Variants in TPPP observed in about 807,000 individuals in gnomAD.
TPPP encodes tubulin polymerization-promoting protein.
A neutral mutation model predicts 15.5 loss-of-function variants in TPPP; 6 were observed. That is an observed-to-expected ratio of 0.39 (90% CI 0.21 to 0.77). TPPP has a LOEUF of 0.77. Among genes scored for constraint, TPPP ranks in the 30% least tolerant of loss-of-function variants. The probability of loss-of-function intolerance (pLI) is 0.42; values close to 1 mark genes in which losing one functional copy is unlikely to be tolerated. For synonymous variants in TPPP, 146 were observed against 133.9 expected (o/e 1.09, Z -0.63); for missense variants, 269 against 307.2 (o/e 0.88, Z 0.93).
chr5:664,615 C>T lies in TPPP; in HGVS notation c.*487G>A. The T allele has an allele frequency of 6.0e-6, 1 of 167,366 alleles. No homozygotes were observed. 10.4% of individuals were successfully genotyped at this position (167,366 alleles called of 1,614,324 possible). On this transcript the variant is annotated 3_prime_UTR_variant, in exon 4 of 4. Coordinates refer to ENST00000360578, the MANE Select transcript of TPPP (RefSeq NM_007030.3). ...GGAAGGCCCCGTGGTGTCCGCTGCA[C>T]ACAGGACAGGCCTCGGGCCCCACAG... is the stretch of plus-strand genomic sequence containing the variant.
chr5:666,153 G>T, intron 2 of TPPP, 30 bp from the exon 3 acceptor site: 1 of 1,601,916 alleles, frequency 6.2e-7, no homozygotes, highest in African/African-American at 1.4e-5. Flanking sequence ...TTAGGGCTGG[G>T]CGCGGGCCGG....
chr5:673,682 G>A (rs1017076469), intron 2 of TPPP, among the ~76,000 whole-genome samples: 1 of 152,224 alleles, frequency 6.6e-6, no homozygotes, highest in Non-Finnish European at 1.5e-5. Flanking sequence ...GGTCAGCCAA[G>A]GCTGGCACAC....
chr5:693,430 G>T (rs1186227687), upstream of TPPP: 1 of 132,178 alleles, frequency 7.6e-6, no homozygotes, highest in East Asian at 2.0e-4. Context: ...CCCGCCCCCG[G>T]CCCCCAGCGT....
At chr5:698,522 C>T in the TPPP span, among the ~76,000 whole-genome samples, 1 of 151,986 alleles carries the variant, frequency 6.6e-6, no homozygotes, top group African/African-American at 2.4e-5. Context: ...GGAGGCCTCC[C>T]AGTCATGGTG....
intron 2 of TPPP, among the ~76,000 whole-genome samples, chr5:669,249 C>G (rs1740094120): frequency 6.7e-6 from 1 of 150,076 alleles, no homozygotes; most frequent in Non-Finnish European, 1.5e-5. Flanking sequence ...GCGCTGTTGT[C>G]CAGCAGCATC....
chr5:667,605 C>T (rs1046820406), intron 2 of TPPP, among the ~76,000 whole-genome samples: 1 of 152,068 alleles, frequency 6.6e-6, no homozygotes, highest in African/African-American at 2.4e-5. Context: ...CAGAAGACAC[C>T]GTTAAGGGAA....
chr5:685,388 C>T (rs1740738854), intron 1 of TPPP, among the ~76,000 whole-genome samples: 1 of 152,218 alleles, frequency 6.6e-6, no homozygotes, highest in African/African-American at 2.4e-5. Flanking sequence ...CTATCCTGGT[C>T]GTCTCACATG....
Position 664,800 on chromosome 5 carries a change from G to C in TPPP, c.*302C>G. The C allele has an allele frequency of 2.9e-6, 1 of 349,386 alleles. No individual in the cohort carries two copies. The highest frequency in any genetic ancestry group is 5.3e-6 in the Non-Finnish European group (1 of 189,396). 21.6% of individuals were successfully genotyped at this position (349,386 alleles called of 1,614,324 possible). A position where few individuals can be genotyped will look rare whatever the true frequency, so the allele number is the denominator to read the frequency against. Reference sequence around the variant, plus strand: ...GCCAGCTGCTTTAAAACGCCCCTTTGACCTGCAAACCACGTGCCCAGTGTG... The same window carrying C: ...GCCAGCTGCTTTAAAACGCCCCTTTCACCTGCAAACCACGTGCCCAGTGTG... On this transcript the variant is annotated 3_prime_UTR_variant, in exon 4 of 4. Coordinates refer to ENST00000360578, the MANE Select transcript of TPPP (RefSeq NM_007030.3).
Position 665,433 on chromosome 5 carries a change from C to T in TPPP, c.466-137G>A. On this transcript the variant is annotated intron_variant, in intron 3 of 3. Coordinates refer to ENST00000360578, the MANE Select transcript of TPPP (RefSeq NM_007030.3). ...GGCATAAACCCTGGGATTTATGCCCCTTTTAATTCTTATTTTTACCTCTCC... is the reference window on the plus strand; with the variant it reads ...GGCATAAACCCTGGGATTTATGCCCTTTTTAATTCTTATTTTTACCTCTCC... 7 of 782,842 alleles carry T rather than the reference C, an allele frequency of 8.9e-6. No individual in the cohort carries two copies. In the South Asian group the frequency reaches 1.3e-4, roughly 14 times the overall value. 48.5% of individuals were successfully genotyped at this position (782,842 alleles called of 1,614,324 possible). A position where few individuals can be genotyped will look rare whatever the true frequency, so the allele number is the denominator to read the frequency against.
chr5:672,461 C>A (rs1166783817), intron 2 of TPPP, among the ~76,000 whole-genome samples: 1 of 152,264 alleles, frequency 6.6e-6, no homozygotes, highest in East Asian at 1.9e-4. Context: ...GAGGCCAGGG[C>A]TCCCAGCCAG....
At chr5:693,669 C>A (rs1317846203), upstream of TPPP, among the ~76,000 whole-genome samples, 2 of 151,600 alleles carry the variant, frequency 1.3e-5, no homozygotes, top group African/African-American at 4.8e-5. Flanking sequence ...GCTCTGGGGC[C>A]CCCCGGGGAC....
upstream of TPPP, among the ~76,000 whole-genome samples, chr5:697,715 C>A (rs1248399562): frequency 6.6e-6 from 1 of 151,966 alleles, no homozygotes; most frequent in Non-Finnish European, 1.5e-5. Context: ...GCCCTGCACT[C>A]AGCCCAGGAC....
intron 1 of TPPP, among the ~76,000 whole-genome samples, chr5:684,770 G>C (rs563274965): frequency 1.3e-5 from 2 of 152,138 alleles, no homozygotes; most frequent in Non-Finnish European, 2.9e-5. Flanking sequence ...ATCATCGCAC[G>C]GCACTCCTGC....
At chr5:688,496 T>C (rs1740821198) in intron 1 of TPPP, among the ~76,000 whole-genome samples, 1 of 152,108 alleles carries the variant, frequency 6.6e-6, no homozygotes, top group Non-Finnish European at 1.5e-5. Flanking sequence ...GCTCAGGAAT[T>C]GCAGCTTCGA....
chr5:684,984 G>A (rs1387700693), intron 1 of TPPP, among the ~76,000 whole-genome samples: 1 of 152,216 alleles, frequency 6.6e-6, no homozygotes, highest in African/African-American at 2.4e-5. Flanking sequence ...GGCCAGACAG[G>A]TGCACACGGC....
intron 3 of TPPP, 143 bp downstream of exon 3, chr5:665,827 C>G: frequency 1.0e-6 from 1 of 988,642 alleles, no homozygotes; most frequent in Non-Finnish European, 1.4e-6. Flanking sequence ...GCCACGCCCT[C>G]CTGACCACGC....
chr5:668,410 A>G (rs1051314014), intron 2 of TPPP, among the ~76,000 whole-genome samples: 1 of 115,836 alleles, frequency 8.6e-6, no homozygotes, highest in African/African-American at 3.7e-5. Flanking sequence ...CGACAAGCAC[A>G]CAGAGAGGGG....
intron 2 of TPPP, among the ~76,000 whole-genome samples, chr5:674,756 C>T (rs1436615511): frequency 6.6e-6 from 1 of 151,830 alleles, no homozygotes; most frequent in Non-Finnish European, 1.5e-5. Flanking sequence ...CTGGTCTGTC[C>T]TCCAGGCAGA....
intron 2 of TPPP, among the ~76,000 whole-genome samples, chr5:675,425 G>A (rs1357410434): frequency 2.0e-5 from 2 of 100,620 alleles, no homozygotes; most frequent in Non-Finnish European, 4.4e-5. Flanking sequence ...GTGGCCAGGG[G>A]TGCAGCACGG....
Sources: allele counts gnomAD v4.1 joint callset (sites outside exome capture counted in the v4.1 genomes callset), GRCh38; gene constraint gnomAD v4.1.1; transcripts MANE v1.5; gene names NCBI Gene and HGNC (gene_info 2026-07-23, HGNC 2026-07-21).